Variants in TSHZ2 observed in about 807,000 individuals in gnomAD.
The protein encoded by TSHZ2 is teashirt homolog 2.
In TSHZ2, 21 loss-of-function variants were observed where a neutral mutation model predicts 74.4. The observed-to-expected ratio is 0.28, with a 90% CI of 0.20 to 0.41. The LOEUF (loss-of-function observed/expected upper bound fraction) is 0.41, where lower values mean the gene tolerates loss of function less well. Among genes scored for constraint, TSHZ2 ranks in the 10% least tolerant of loss-of-function variants. The pLI is 1.00. For missense variants in TSHZ2, 1,244 were observed against 1,293.5 expected, an observed-to-expected ratio of 0.96 and a Z score of 0.59; for synonymous variants, 540 against 515.3, an observed-to-expected ratio of 1.05 and a Z score of -0.65.
chr20:53,257,316 C>T (rs568375164), intron 2 of TSHZ2, among the ~76,000 whole-genome samples: 140 of 152,300 alleles, frequency 9.2e-4, no homozygotes, highest in African/African-American at 2.9e-3. Context: ...CCACCTTTAA[C>T]AAAGATAGAG....
chr20:53,475,092 A>C (rs1600669133), intron 2 of TSHZ2, among the ~76,000 whole-genome samples: 1 of 140,130 alleles, frequency 7.1e-6, no homozygotes, highest in East Asian at 2.2e-4. Flanking sequence ...AACATTAGAC[A>C]GATCAACGAG....
rs570413572 is a variant in TSHZ2, at chr20:53,482,108, TAA to T, written c.*9-5011_*9-5010del. Among the ~76,000 whole-genome samples, 109 of 74,344 alleles carry T rather than the reference TAA, an allele frequency of 1.5e-3. 1 individual carries two copies. Among genetic ancestry groups the T allele is most frequent in the African/African-American group, 4.6e-3 (96 of 21,082 alleles). 48.8% of individuals were successfully genotyped at this position (74,344 alleles called of 152,430 possible). ...GCAACAAGAGCGAAACTCCATCTCA[TAA>T]AAAAAAAAAAAAAAAAAAAAAAAAG... On this transcript the variant is annotated intron_variant, in intron 2 of 2. Transcript: ENST00000371497.
intron 1 of TSHZ2, among the ~76,000 whole-genome samples, chr20:53,140,280 C>T (rs923781620): frequency 1.3e-5 from 2 of 151,962 alleles, no homozygotes; most frequent in African/African-American, 4.8e-5. Flanking sequence ...GTGGCTCGCG[C>T]CTGTAATCCC....
chr20:53,262,887 G>A (rs768371806), intron 2 of TSHZ2, among the ~76,000 whole-genome samples: 3 of 152,196 alleles, frequency 2.0e-5, no homozygotes, highest in Non-Finnish European at 2.9e-5. Flanking sequence ...GATGCCAGCA[G>A]CCACAGGCAC....
intron 1 of TSHZ2, among the ~76,000 whole-genome samples, chr20:53,046,783 C>A (rs1441745624): frequency 6.6e-6 from 1 of 152,186 alleles, no homozygotes; most frequent in African/African-American, 2.4e-5. Context: ...ACTTCTGTTA[C>A]CTGTCTACAA....
At chr20:52,986,936 G>A (rs1053455261) in intron 1 of TSHZ2, among the ~76,000 whole-genome samples, 11 of 152,084 alleles carry the variant, frequency 7.2e-5, no homozygotes, top group African/African-American at 2.7e-4. Flanking sequence ...GTGTGTGTGT[G>A]TATGTAGGGG....
chr20:52,974,880 T>C (rs376151661), intron 1 of TSHZ2, among the ~76,000 whole-genome samples: 5 of 152,262 alleles, frequency 3.3e-5, no homozygotes, highest in South Asian at 2.1e-4. Flanking sequence ...ATATATTTTC[T>C]GATCGTTTCC....
intron 1 of TSHZ2, among the ~76,000 whole-genome samples, chr20:53,131,834 CA>C (rs1333277654): frequency 1.4e-4 from 10 of 71,124 alleles, no homozygotes; most frequent in Non-Finnish European, 2.0e-4. Context: ...CCCCCCCCCC[CA>C]AAAAAAAAAA....
intron 1 of TSHZ2, among the ~76,000 whole-genome samples, chr20:53,102,603 G>A (rs1205189516): frequency 1.3e-5 from 2 of 152,048 alleles, no homozygotes; most frequent in East Asian, 1.9e-4. Context: ...AAACTCAAAC[G>A]GTGTCCATAA....
chr20:53,356,969 A>G (rs1284762265), intron 2 of TSHZ2, among the ~76,000 whole-genome samples: 1 of 152,022 alleles, frequency 6.6e-6, no homozygotes, highest in Non-Finnish European at 1.5e-5. Context: ...GTGTGTGCGC[A>G]TGTGTGTGTG....
At chr20:53,376,897 C>T (rs1207479259) in intron 2 of TSHZ2, among the ~76,000 whole-genome samples, 3 of 152,238 alleles carry the variant, frequency 2.0e-5, no homozygotes, top group Admixed American at 2.0e-4. Flanking sequence ...ACCTCTTTTG[C>T]ATTCTATGGG....
intron 1 of TSHZ2, among the ~76,000 whole-genome samples, chr20:53,193,356 G>A (rs555646469): frequency 2.6e-5 from 4 of 152,160 alleles, no homozygotes; most frequent in Admixed American, 2.0e-4. Flanking sequence ...ATTGCCGTTC[G>A]CAATCCTGTT....
At chr20:53,182,564 G>C (rs889725982) in intron 1 of TSHZ2, among the ~76,000 whole-genome samples, 10 of 152,212 alleles carry the variant, frequency 6.6e-5, no homozygotes, top group African/African-American at 2.4e-4. Context: ...ATTAAGTCAA[G>C]TAAAGGGATC....
rs533700876 is a variant in TSHZ2, at chr20:53,384,202, A to T, written c.*9-102942A>T. 3.2e-4 allele frequency among the ~76,000 whole-genome samples: 49 copies of T among 152,138 alleles called. 1 individual carries two copies. Among genetic ancestry groups the T allele is most frequent in the Non-Finnish European group, 5.7e-4 (39 of 68,020 alleles). On this transcript the variant is annotated intron_variant, in intron 2 of 2. Coordinates refer to ENST00000371497, the MANE Select transcript of TSHZ2 (RefSeq NM_173485.6). ...CAGAAACAGGGAAATTTATGTGGGG[A>T]GCACACAGTTGGGAGCCGTGAGCCA...
At chr20:53,240,717 TAGATGATA>T (rs1431698166) in intron 1 of TSHZ2, among the ~76,000 whole-genome samples, 13 of 134,900 alleles carry the variant, frequency 9.6e-5, no homozygotes, top group South Asian at 2.5e-4. Context: ...AATAGATAGA[TAGATGATA>T]GATAGATAGA....
intron 2 of TSHZ2, among the ~76,000 whole-genome samples, chr20:53,471,217 T>C (rs1295997564): frequency 6.6e-6 from 1 of 152,096 alleles, no homozygotes; most frequent in African/African-American, 2.4e-5. Context: ...GTACATCTAT[T>C]TTTTTTTCTT....
intron 2 of TSHZ2, among the ~76,000 whole-genome samples, chr20:53,389,219 A>G (rs1340143343): frequency 6.6e-6 from 1 of 152,206 alleles, no homozygotes; most frequent in Non-Finnish European, 1.5e-5. Context: ...TTCTCAGAAC[A>G]TCAGCACTCG....
At chr20:53,001,230 G>GTGTGTATGTGTGTA (rs755040371) in intron 1 of TSHZ2, among the ~76,000 whole-genome samples, 1 of 126,114 alleles carries the variant, frequency 7.9e-6, no homozygotes, top group Non-Finnish European at 1.8e-5. Flanking sequence ...GTGTGTGTGT[G>GTGTGTATGTGTGTA]TGTGTGTGTG....
At chr20:53,274,807 CTA>C (rs1466991840) in intron 2 of TSHZ2, among the ~76,000 whole-genome samples, 1 of 152,058 alleles carries the variant, frequency 6.6e-6, no homozygotes, top group Non-Finnish European at 1.5e-5. Flanking sequence ...CTCTTTTTCT[CTA>C]TCTCTATCAC....
Sources: gnomAD v4.1 joint callset for allele counts (sites outside exome capture counted in the v4.1 genomes callset) on GRCh38, gnomAD v4.1.1 for gene constraint, MANE v1.5 for transcripts, NCBI Gene and HGNC (gene_info 2026-07-23, HGNC 2026-07-21) for gene names.